GFRA2: variants seen among roughly 807,000 people sequenced by gnomAD.
The protein encoded by GFRA2 is GDNF family receptor alpha-2.
Under a neutral mutation model 48.3 loss-of-function variants are expected in GFRA2, and 17 were observed. The observed-to-expected ratio is 0.35, with a 90% CI of 0.24 to 0.53. GFRA2 has a LOEUF of 0.53. GFRA2 is among the 20% of genes least tolerant of loss of function. GFRA2 has a pLI of 0.93. For synonymous variants in GFRA2, 305 were observed against 257.2 expected, an observed-to-expected ratio of 1.19 and a Z score of -1.78; for missense variants, 660 against 637.3, an observed-to-expected ratio of 1.04 and a Z score of -0.38.
chr8:21,777,783 C>A (rs1170602671), intron 2 of GFRA2, among the ~76,000 whole-genome samples: 2 of 152,108 alleles, frequency 1.3e-5, no homozygotes, highest in Non-Finnish European at 2.9e-5. Context: ...GGAGTCGGGG[C>A]CCTGGGACCC....
rs894457159 is a variant in GFRA2, at chr8:21,753,469, G to A, written c.440-2527C>T. Among the ~76,000 whole-genome samples the A allele has an allele frequency of 5.3e-5, 8 of 152,190 alleles. No homozygotes were observed. The East Asian group carries it at 7.7e-4, about 15-fold the overall frequency. ...CTAAAAATATAAAAATTAGCTGGGC[G>A]TGGTGACATGTGGTGGACTACACCC... is the stretch of plus-strand genomic sequence containing the variant. On this transcript the variant is annotated intron_variant, in intron 3 of 8. Coordinates refer to ENST00000524240, the MANE Select transcript of GFRA2 (RefSeq NM_001495.5).
At chr8:21,793,079 G>A (rs1371954568), upstream of GFRA2, among the ~76,000 whole-genome samples, 3 of 151,978 alleles carry the variant, frequency 2.0e-5, no homozygotes, top group African/African-American at 7.3e-5. Context: ...AAAAAAAAGA[G>A]AAAGTTCTCA....
At chr8:21,712,857 A>C (rs1000221963) in intron 4 of GFRA2, among the ~76,000 whole-genome samples, 2 of 152,104 alleles carry the variant, frequency 1.3e-5, no homozygotes, top group African/African-American at 4.8e-5. Flanking sequence ...AAATACGAAA[A>C]CCAGTCAGGC....
At chr8:21,741,098 A>G (rs1804723559) in intron 4 of GFRA2, among the ~76,000 whole-genome samples, 1 of 152,002 alleles carries the variant, frequency 6.6e-6, no homozygotes, top group Non-Finnish European at 1.5e-5. Flanking sequence ...CTTTCTTATC[A>G]CAGTTTTTCA....
intron 4 of GFRA2, among the ~76,000 whole-genome samples, chr8:21,721,070 T>C (rs1803571104): frequency 6.6e-6 from 1 of 151,918 alleles, no homozygotes; most frequent in South Asian, 2.1e-4. Flanking sequence ...TGATTGGGAC[T>C]GTGTCTGGAG....
intron 2 of GFRA2, among the ~76,000 whole-genome samples, chr8:21,794,813 G>A (rs1464919570): frequency 6.6e-6 from 1 of 152,248 alleles, no homozygotes; most frequent in South Asian, 2.1e-4. Flanking sequence ...CACTAGTCTG[G>A]CAATGGAGAC....
At chr8:21,755,071 G>A (rs554789148) in intron 3 of GFRA2, among the ~76,000 whole-genome samples, 97 of 152,248 alleles carry the variant, frequency 6.4e-4, no homozygotes, top group African/African-American at 2.2e-3. Context: ...GGGAGTGGGG[G>A]AGGAAGACGC....
At chr8:21,796,406 C>A (rs1416745602) in intron 2 of GFRA2, among the ~76,000 whole-genome samples, 4 of 152,230 alleles carry the variant, frequency 2.6e-5, no homozygotes, top group Admixed American at 2.0e-4. Context: ...TGACGCCCCC[C>A]GCAGAGAGCT....
chr8:21,766,692 CCT>C (rs901507100), intron 3 of GFRA2, among the ~76,000 whole-genome samples: 1 of 68,880 alleles, frequency 1.5e-5, no homozygotes, highest in Non-Finnish European at 3.1e-5. Flanking sequence ...GGGTCATTCC[CCT>C]GATGGTCGGA....
rs1433006699 is a variant in GFRA2 at position 21,693,368 on chromosome 8, C to G, written c.1305G>C (p.Lys435Asn). ...LTTNIIPGSN[K>N]VIKPNSGPSR... ...TGGGGCCTGAGTTAGGTTTGATCAC[C>G]TTGTTACTCCCTGGGATGATATTTG... Residue 435 changes from lysine (K) to asparagine (N), a missense_variant, in exon 9 of 9, where the codon AAG becomes AAC. Physicochemically the swap from Lys to Asn is moderately conservative, Grantham distance 94 (BLOSUM62 0). Transcript: ENST00000524240. 1 of 1,612,914 alleles carries G rather than the reference C, an allele frequency of 6.2e-7. No homozygotes were observed. Among genetic ancestry groups the G allele is most frequent in the Admixed American group, 1.7e-5 (1 of 59,884 alleles).
upstream of GFRA2, among the ~76,000 whole-genome samples, chr8:21,790,581 G>C (rs1807549109): frequency 6.6e-6 from 1 of 152,226 alleles, no homozygotes; most frequent in African/African-American, 2.4e-5. Flanking sequence ...CGAGTCTCCT[G>C]TGAACGCCTC....
At chr8:21,788,960 G>C (rs963224006), upstream of GFRA2, 4 of 283,556 alleles carry the variant, frequency 1.4e-5, no homozygotes, top group Admixed American at 6.5e-5. Context: ...CGGCTCCCTC[G>C]CCCGGGCTCT....
chr8:21,787,041 G>C (rs1807307730), intron 1 of GFRA2, among the ~76,000 whole-genome samples: 2 of 151,984 alleles, frequency 1.3e-5, no homozygotes, highest in Non-Finnish European at 2.9e-5. Flanking sequence ...CCCTCTATGG[G>C]AGCGTCTACT....
At chr8:21,759,790 G>A (rs1805805502) in intron 3 of GFRA2, among the ~76,000 whole-genome samples, 1 of 150,106 alleles carries the variant, frequency 6.7e-6, no homozygotes, top group African/African-American at 2.5e-5. Context: ...TCAGGAGGCT[G>A]AAGCAGGAGA....
intron 7 of GFRA2, among the ~76,000 whole-genome samples, chr8:21,698,484 G>A (rs1313456102): frequency 6.6e-6 from 1 of 152,144 alleles, no homozygotes; most frequent in African/African-American, 2.4e-5. Context: ...CATTCCCAGA[G>A]CCTCGCTGGT....
At chr8:21,723,278 T>C (rs1226471372) in intron 4 of GFRA2, among the ~76,000 whole-genome samples, 1 of 152,216 alleles carries the variant, frequency 6.6e-6, no homozygotes, top group Admixed American at 6.5e-5. Context: ...TTCAGGCATC[T>C]GGCAAGGTTC....
intron 4 of GFRA2, among the ~76,000 whole-genome samples, chr8:21,742,836 G>A (rs570633718): frequency 6.6e-6 from 1 of 152,168 alleles, no homozygotes; most frequent in East Asian, 1.9e-4. Context: ...TAGCCAAACA[G>A]GATCCGCATC....
upstream of GFRA2, among the ~76,000 whole-genome samples, chr8:21,790,642 C>A (rs1585348474): frequency 1.3e-5 from 2 of 152,324 alleles, no homozygotes; most frequent in South Asian, 4.1e-4. Flanking sequence ...CATCTTCTCC[C>A]CCAGCCATCC....
chr8:21,771,963 A>G (rs1203808481), intron 3 of GFRA2, among the ~76,000 whole-genome samples: 4 of 152,122 alleles, frequency 2.6e-5, no homozygotes, highest in Admixed American at 2.0e-4. Flanking sequence ...GTCTTGGGAT[A>G]CTCACAACAA....
Sources: gnomAD v4.1 joint callset for allele counts (sites outside exome capture counted in the v4.1 genomes callset) on GRCh38, gnomAD v4.1.1 for gene constraint, MANE v1.5 for transcripts, NCBI Gene and HGNC (gene_info 2026-07-23, HGNC 2026-07-21) for gene names.